The following DCLK2 variants were observed in gnomAD, a reference collection of about 807,000 sequenced individuals.
DCLK2 encodes doublecortin like kinase 2, also known as serine/threonine-protein kinase DCLK2.
Under a neutral mutation model 78.4 loss-of-function variants are expected in DCLK2, and 31 were observed. The ratio of observed to expected loss-of-function variants is 0.40; its 90% CI spans 0.30 to 0.53. The LOEUF (loss-of-function observed/expected upper bound fraction) is 0.53, where lower values mean the gene tolerates loss of function less well. DCLK2 is among the 20% of genes least tolerant of loss of function. The pLI, the probability that DCLK2 is intolerant of heterozygous loss-of-function variation, is 0.61. For missense variants in DCLK2, 872 were observed against 973.7 expected (o/e 0.90, Z 1.39); for synonymous variants, 407 against 374.9 (o/e 1.09, Z -0.99).
intron 2 of DCLK2, among the ~76,000 whole-genome samples, chr4:150,116,423 T>C (rs994835371): frequency 1.3e-5 from 2 of 152,182 alleles, no homozygotes; most frequent in Non-Finnish European, 2.9e-5. Flanking sequence ...AAGCGGAAAG[T>C]TCAGGGACTC....
At chr4:150,231,938 A>G (rs1404597692) in intron 8 of DCLK2, among the ~76,000 whole-genome samples, 3 of 152,234 alleles carry the variant, frequency 2.0e-5, no homozygotes, top group Non-Finnish European at 4.4e-5. Context: ...TTATATGCCT[A>G]GTCTTTATTT....
At chr4:150,104,127 A>G (rs1001389625) in intron 2 of DCLK2, among the ~76,000 whole-genome samples, 4 of 152,104 alleles carry the variant, frequency 2.6e-5, no homozygotes, top group Non-Finnish European at 4.4e-5. Context: ...AATTTAGGGG[A>G]AAAAGGCATA....
intron 4 of DCLK2, among the ~76,000 whole-genome samples, chr4:150,198,713 G>A (rs752843829): frequency 6.6e-6 from 1 of 151,786 alleles, no homozygotes; most frequent in Non-Finnish European, 1.5e-5. Flanking sequence ...TGATTTTATG[G>A]GTTTGTTTAT....
At chr4:150,192,204 G>T (rs1738503856) in intron 2 of DCLK2, among the ~76,000 whole-genome samples, 1 of 152,178 alleles carries the variant, frequency 6.6e-6, no homozygotes, top group Middle Eastern at 3.4e-3. Context: ...AATTGGGCTG[G>T]GCATGGTGAC....
intron 2 of DCLK2, among the ~76,000 whole-genome samples, chr4:150,164,719 AAC>A (rs1254895157): frequency 6.6e-6 from 1 of 152,200 alleles, no homozygotes; most frequent in Admixed American, 6.5e-5. Context: ...GAATTGCTTG[AAC>A]ACAGGAGGTG....
chr4:150,164,847 A>G (rs1260663160), intron 2 of DCLK2, among the ~76,000 whole-genome samples: 2 of 152,226 alleles, frequency 1.3e-5, no homozygotes, highest in East Asian at 3.8e-4. Context: ...GATTAACCAT[A>G]ACATATCTCC....
intron 10 of DCLK2, among the ~76,000 whole-genome samples, chr4:150,239,522 A>G (rs1369055308): frequency 6.6e-6 from 1 of 152,116 alleles, no homozygotes; most frequent in Non-Finnish European, 1.5e-5. Context: ...GGATTACTTC[A>G]GCCCAGAGGT....
intron 2 of DCLK2, among the ~76,000 whole-genome samples, chr4:150,119,043 A>ATAT (rs1491587793): frequency 4.7e-5 from 1 of 21,412 alleles, no homozygotes; most frequent in African/African-American, 2.0e-4. Context: ...AACAATAATA[A>ATAT]TATAATAATA....
chr4:150,127,543 A>G (rs1733004603), intron 2 of DCLK2, among the ~76,000 whole-genome samples: 1 of 152,176 alleles, frequency 6.6e-6, no homozygotes, highest in Non-Finnish European at 1.5e-5. Flanking sequence ...CCTTTGACAT[A>G]TTTAAGGATA....
intron 2 of DCLK2, among the ~76,000 whole-genome samples, chr4:150,151,653 G>T (rs924986659): frequency 6.6e-6 from 1 of 152,032 alleles, no homozygotes; most frequent in Non-Finnish European, 1.5e-5. Context: ...GGCCGGGTGC[G>T]GTGGCTCATG....
chr4:150,190,909 T>C lies in DCLK2; in HGVS notation c.757-2229T>C, dbSNP rs558685702. On this transcript the variant is annotated intron_variant, in intron 2 of 15. Transcript: ENST00000296550. Reference sequence around the variant, plus strand: ...GAGTTAGAGAGCAGCCTGGGCAACATAGGGAGACCCCATCTCTACCTACTT... The same window carrying C: ...GAGTTAGAGAGCAGCCTGGGCAACACAGGGAGACCCCATCTCTACCTACTT... Among the ~76,000 whole-genome samples the C allele has an allele frequency of 2.6e-5, 4 of 152,154 alleles. No individual in the cohort carries two copies. In the South Asian group the frequency reaches 8.3e-4, roughly 32 times the overall value.
intron 15 of DCLK2, among the ~76,000 whole-genome samples, chr4:150,255,786 G>A (rs528634917): frequency 6.6e-6 from 1 of 152,318 alleles, no homozygotes; most frequent in South Asian, 2.1e-4. Context: ...GACATCCAGT[G>A]TGTCCTGGGC....
At chr4:150,106,490 C>T (rs897794420) in intron 2 of DCLK2, among the ~76,000 whole-genome samples, 5 of 152,160 alleles carry the variant, frequency 3.3e-5, no homozygotes, top group African/African-American at 7.2e-5. Context: ...AACTAAGATC[C>T]GTTGATAAGT....
intron 8 of DCLK2, among the ~76,000 whole-genome samples, chr4:150,230,921 G>T (rs1358860498): frequency 6.6e-6 from 1 of 152,160 alleles, no homozygotes; most frequent in African/African-American, 2.4e-5. Context: ...AGACTTCCTA[G>T]CCCTGTTCAT....
Position 150,078,867 on chromosome 4 carries a change from C to T in DCLK2, c.-161C>T, listed in dbSNP as rs530923857. The T allele has an allele frequency of 4.3e-6, 4 of 933,568 alleles. No homozygotes were observed. Among genetic ancestry groups the T allele is most frequent in the Middle Eastern group, 3.4e-4 (1 of 2,942 alleles). 57.8% of individuals were successfully genotyped at this position (933,568 alleles called of 1,614,324 possible). On this transcript the variant is annotated 5_prime_UTR_variant, in exon 1 of 16. Coordinates refer to ENST00000296550, the MANE Select transcript of DCLK2 (RefSeq NM_001040260.4). Reference sequence around the variant, plus strand: ...AGCTGAGGGCGCGGGCGGGTCGGCTCCTCCGCGGCTCCTCGGCCCCACCTG... The same window carrying T: ...AGCTGAGGGCGCGGGCGGGTCGGCTTCTCCGCGGCTCCTCGGCCCCACCTG...
intron 15 of DCLK2, chr4:150,253,334 T>A: frequency 1.2e-6 from 1 of 841,794 alleles, no homozygotes; most frequent in South Asian, 1.3e-5. Context: ...GACAGGACCT[T>A]CCCATCTGCT....
intron 2 of DCLK2, among the ~76,000 whole-genome samples, chr4:150,190,581 G>C (rs888039042): frequency 6.6e-6 from 1 of 152,164 alleles, no homozygotes; most frequent in South Asian, 2.1e-4. Context: ...TATACATGAA[G>C]TGTCCAGAAC....
chr4:150,201,916 A>G (rs139661856), intron 4 of DCLK2, among the ~76,000 whole-genome samples: 243 of 152,306 alleles, frequency 1.6e-3, no homozygotes, highest in African/African-American at 5.7e-3. Flanking sequence ...AGATTTTTTT[A>G]AAGACTTTAT....
intron 2 of DCLK2, among the ~76,000 whole-genome samples, chr4:150,106,605 A>G (rs1264012982): frequency 6.6e-6 from 1 of 152,346 alleles, no homozygotes; most frequent in East Asian, 1.9e-4. Flanking sequence ...GATCGTCAAC[A>G]CAAGGATAGA....
Sources: gnomAD v4.1 joint callset for allele counts (sites outside exome capture counted in the v4.1 genomes callset) on GRCh38, gnomAD v4.1.1 for gene constraint, MANE v1.5 for transcripts, NCBI Gene and HGNC (gene_info 2026-07-23, HGNC 2026-07-21) for gene names.